RARB: variants seen among roughly 807,000 people sequenced by gnomAD.
RARB encodes HBV-activated protein.
Under a neutral mutation model 51.9 loss-of-function variants are expected in RARB, and 17 were observed. The ratio of observed to expected loss-of-function variants is 0.33; its 90% CI spans 0.22 to 0.49. The LOEUF is 0.49. Ranked by LOEUF, RARB falls within the 20% of genes least tolerant of loss-of-function variation. The pLI is 0.99. For missense variants in RARB, 369 were observed against 550.8 expected (o/e 0.67, Z 3.30); for synonymous variants, 215 against 195.4 (o/e 1.10, Z -0.84).
intron 5 of RARB, among the ~76,000 whole-genome samples, chr3:25,364,944 T>C (rs1021203707): frequency 9.9e-5 from 15 of 152,118 alleles, no homozygotes; most frequent in African/African-American, 3.6e-4. Context: ...ACTTCTGACA[T>C]ATCTCAGTTG....
At chr3:25,360,499 G>T (rs528537489) in intron 5 of RARB, among the ~76,000 whole-genome samples, 35 of 152,170 alleles carry the variant, frequency 2.3e-4, no homozygotes, top group South Asian at 6.2e-4. Context: ...TGTTATGTGT[G>T]AATTTGATCC....
chr3:25,119,402 T>C (rs1447760141), intron 3 of RARB, among the ~76,000 whole-genome samples: 1 of 152,176 alleles, frequency 6.6e-6, no homozygotes, highest in Non-Finnish European at 1.5e-5. Context: ...AACTGTAAGA[T>C]GAATGAAGTA....
At chr3:25,221,310 G>C (rs556944307) in intron 5 of RARB, among the ~76,000 whole-genome samples, 2 of 150,204 alleles carry the variant, frequency 1.3e-5, no homozygotes, top group South Asian at 4.1e-4. Flanking sequence ...CTGTCCTTAC[G>C]CTATGTGCTA....
At chr3:25,483,671 G>C (rs1195489934) in intron 2 of RARB, among the ~76,000 whole-genome samples, 1 of 151,876 alleles carries the variant, frequency 6.6e-6, no homozygotes, top group African/African-American at 2.4e-5. Flanking sequence ...AAAACCCAGA[G>C]ATAAGAGCAA....
At chr3:25,210,946 C>A (rs184726583) in intron 5 of RARB, among the ~76,000 whole-genome samples, 10 of 152,214 alleles carry the variant, frequency 6.6e-5, no homozygotes, top group Admixed American at 5.9e-4. Flanking sequence ...CTGGTCCAGA[C>A]ACTTATTTGC....
chr3:25,236,026 G>A (rs1702294078), intron 5 of RARB, among the ~76,000 whole-genome samples: 1 of 152,130 alleles, frequency 6.6e-6, no homozygotes, highest in Admixed American at 6.6e-5. Context: ...AATAGTACAT[G>A]TGAGTTATTT....
At chr3:25,167,672 A>G (rs1002171047) in intron 4 of RARB, among the ~76,000 whole-genome samples, 46 of 152,310 alleles carry the variant, frequency 3.0e-4, no homozygotes, top group African/African-American at 1.1e-3. Flanking sequence ...TAAGAAAGGT[A>G]AATCTACTCT....
At chr3:25,189,117 T>C (rs550347670) in intron 5 of RARB, among the ~76,000 whole-genome samples, 2 of 152,234 alleles carry the variant, frequency 1.3e-5, no homozygotes, top group African/African-American at 4.8e-5. Context: ...CAACTCTACC[T>C]TTATAATAAA....
At chr3:25,079,953 T>C (rs12629972) in intron 3 of RARB, among the ~76,000 whole-genome samples, 84,480 of 151,946 alleles carry the variant, frequency 0.56, 24,565 homozygotes, top group East Asian at 0.76. Context: ...ATTTCTTCCT[T>C]GTAAAATTTG....
intron 5 of RARB, among the ~76,000 whole-genome samples, chr3:25,330,794 G>A (rs1704870158): frequency 6.6e-6 from 1 of 152,060 alleles, no homozygotes; most frequent in African/African-American, 2.4e-5. Context: ...ACACACATAG[G>A]CTCAAAATAA....
intron 2 of RARB, among the ~76,000 whole-genome samples, chr3:25,043,608 G>A (rs896964125): frequency 6.6e-6 from 1 of 152,152 alleles, no homozygotes; most frequent in Non-Finnish European, 1.5e-5. Flanking sequence ...GGAGTTCAGG[G>A]AGAGAAAAGA....
intron 5 of RARB, among the ~76,000 whole-genome samples, chr3:25,420,991 C>CAAAAAAAA (rs1204249206): frequency 1.6e-5 from 2 of 126,228 alleles, no homozygotes; most frequent in African/African-American, 2.8e-5. Context: ...CCACTTATGC[C>CAAAAAAAA]AAAAAAAAAA....
chr3:24,866,540 G>A (rs1057270741), intron 2 of RARB, among the ~76,000 whole-genome samples: 2 of 152,056 alleles, frequency 1.3e-5, no homozygotes, highest in Admixed American at 1.3e-4. Flanking sequence ...TTCGTGGGGG[G>A]AATGGGAAAA....
intron 5 of RARB, among the ~76,000 whole-genome samples, chr3:25,296,317 G>T (rs765789360): frequency 6.6e-6 from 1 of 152,136 alleles, no homozygotes; most frequent in African/African-American, 2.4e-5. Flanking sequence ...GGTAACTAGG[G>T]TTTTGCTGGA....
At chr3:25,577,989 C>A (rs1054542075) in intron 4 of RARB, among the ~76,000 whole-genome samples, 1 of 152,210 alleles carries the variant, frequency 6.6e-6, no homozygotes, top group Non-Finnish European at 1.5e-5. Flanking sequence ...TGGAGGAGAG[C>A]CCCTTGCCCT....
At chr3:25,535,941 G>A (rs78253996) in intron 3 of RARB, among the ~76,000 whole-genome samples, 1 of 152,118 alleles carries the variant, frequency 6.6e-6, no homozygotes, top group Admixed American at 6.5e-5. Context: ...TTGAGATGTA[G>A]CCCCACCTTC....
intron 4 of RARB, among the ~76,000 whole-genome samples, chr3:25,163,591 C>T (rs1700511137): frequency 6.7e-6 from 1 of 148,932 alleles, no homozygotes; most frequent in African/African-American, 2.5e-5. Context: ...TAATGTAGTG[C>T]TTTCTAACAT....
intron 5 of RARB, among the ~76,000 whole-genome samples, chr3:25,363,829 C>A (rs1268557161): frequency 2.0e-5 from 3 of 152,208 alleles, no homozygotes; most frequent in East Asian, 1.9e-4. Context: ...TCCCTACTAA[C>A]ATCTCTTTCT....
intron 2 of RARB, among the ~76,000 whole-genome samples, chr3:25,500,458 T>TTG (rs1697251479): frequency 1.5e-5 from 1 of 65,124 alleles, no homozygotes; most frequent in Non-Finnish European, 2.9e-5. Flanking sequence ...TTTCTTGTTT[T>TTG]TTTTTTTTTT....
Sources: gnomAD v4.1 joint callset for allele counts (sites outside exome capture counted in the v4.1 genomes callset) on GRCh38, gnomAD v4.1.1 for gene constraint, MANE v1.5 for transcripts, NCBI Gene and HGNC (gene_info 2026-07-23, HGNC 2026-07-21) for gene names.